GPC5: variants seen among roughly 807,000 people sequenced by gnomAD.
GPC5 encodes glypican 5, also known as glypican-5.
GPC5 carries 47 observed loss-of-function variants against 53.9 expected under a neutral mutation model. The ratio of observed to expected loss-of-function variants is 0.87; its 90% confidence interval spans 0.69 to 1.11. The LOEUF (loss-of-function observed/expected upper bound fraction) is 1.11. Ranked by LOEUF, GPC5 falls within the 50% of genes most tolerant of loss-of-function variation. The pLI is 0.00. For synonymous variants in GPC5, 286 were observed against 263.3 expected (o/e 1.09, Z -0.84); for missense variants, 748 against 713.1 (o/e 1.05, Z -0.56).
At chr13:92,494,472 G>A (rs1879894571) in intron 7 of GPC5, among the ~76,000 whole-genome samples, 1 of 152,108 alleles carries the variant, frequency 6.6e-6, no homozygotes, top group Admixed American at 6.6e-5. Flanking sequence ...CATAAAACGT[G>A]CTTTGCTATT....
At chr13:92,587,765 A>T (rs762270760) in intron 7 of GPC5, among the ~76,000 whole-genome samples, 18 of 152,160 alleles carry the variant, frequency 1.2e-4, no homozygotes, top group Middle Eastern at 3.4e-3. Context: ...CTTCCTGGGC[A>T]TTCACTCCTG....
intron 4 of GPC5, among the ~76,000 whole-genome samples, chr13:91,747,973 T>C (rs528479700): frequency 9.2e-5 from 14 of 152,334 alleles, no homozygotes; most frequent in African/African-American, 3.4e-4. Context: ...GGTTGCACAT[T>C]AGGATCCTTC....
intron 7 of GPC5, among the ~76,000 whole-genome samples, chr13:92,255,708 G>A (rs1400436302): frequency 6.6e-6 from 1 of 152,078 alleles, no homozygotes; most frequent in African/African-American, 2.4e-5. Flanking sequence ...TATTAGCATA[G>A]AGATAAATTT....
chr13:92,111,588 A>G (rs1181802331), intron 6 of GPC5, among the ~76,000 whole-genome samples: 1 of 152,104 alleles, frequency 6.6e-6, no homozygotes, highest in Non-Finnish European at 1.5e-5. Context: ...CCCCACAAAA[A>G]AAAAATGAAA....
chr13:92,000,018 A>T (rs2040540343), intron 6 of GPC5, among the ~76,000 whole-genome samples: 2 of 152,240 alleles, frequency 1.3e-5, no homozygotes, highest in Admixed American at 1.3e-4. Flanking sequence ...AACAAGCTTA[A>T]TTCTCAAGAG....
intron 7 of GPC5, among the ~76,000 whole-genome samples, chr13:92,248,736 C>T (rs2042670827): frequency 1.3e-5 from 2 of 152,042 alleles, no homozygotes; most frequent in Non-Finnish European, 2.9e-5. Context: ...GGCATAAGGC[C>T]GTTGCTGAGT....
chr13:92,518,501 C>T (rs994039587), intron 7 of GPC5, among the ~76,000 whole-genome samples: 59 of 152,098 alleles, frequency 3.9e-4, no homozygotes, highest in African/African-American at 1.4e-3. Flanking sequence ...GAATTTTCAA[C>T]CCAGAATTTC....
intron 7 of GPC5, among the ~76,000 whole-genome samples, chr13:92,544,202 C>G (rs1882024543): frequency 6.6e-6 from 1 of 151,966 alleles, no homozygotes; most frequent in African/African-American, 2.4e-5. Context: ...TTTCCATCAC[C>G]ACCCATCCTG....
At chr13:92,820,617 C>T (rs1164578007) in intron 7 of GPC5, among the ~76,000 whole-genome samples, 2 of 152,134 alleles carry the variant, frequency 1.3e-5, no homozygotes. Flanking sequence ...TTCCCTCTCC[C>T]TTGTCCCACT....
At chr13:92,217,379 T>C (rs2042418149) in intron 7 of GPC5, among the ~76,000 whole-genome samples, 1 of 152,180 alleles carries the variant, frequency 6.6e-6, no homozygotes, top group Non-Finnish European at 1.5e-5. Context: ...TCCTTCATCC[T>C]TCATCTCACC....
chr13:91,726,525 C>G (rs376246972), intron 3 of GPC5, among the ~76,000 whole-genome samples: 1 of 152,170 alleles, frequency 6.6e-6, no homozygotes, highest in African/African-American at 2.4e-5. Flanking sequence ...AATATAATTT[C>G]CTTTTATGCT....
At chr13:92,134,644 T>C (rs2041769528) in intron 6 of GPC5, among the ~76,000 whole-genome samples, 1 of 152,196 alleles carries the variant, frequency 6.6e-6, no homozygotes, top group African/African-American at 2.4e-5. Context: ...ATTTCAGTCA[T>C]AGAAATTCAC....
At chr13:91,878,137 C>G (rs927490882) in intron 5 of GPC5, among the ~76,000 whole-genome samples, 2 of 152,060 alleles carry the variant, frequency 1.3e-5, no homozygotes, top group Non-Finnish European at 1.5e-5. Flanking sequence ...TGTAAACAGA[C>G]TAATACAACT....
intron 7 of GPC5, among the ~76,000 whole-genome samples, chr13:92,506,097 G>A (rs1441447975): frequency 6.6e-6 from 1 of 151,968 alleles, no homozygotes; most frequent in South Asian, 2.1e-4. Flanking sequence ...CCACATTAAA[G>A]GTCAATTTTA....
chr13:91,755,732 C>T (rs1230142259), intron 4 of GPC5, among the ~76,000 whole-genome samples: 2 of 151,972 alleles, frequency 1.3e-5, no homozygotes, highest in East Asian at 3.8e-4. Context: ...TCTTACATGT[C>T]TGGGTTTTGG....
intron 7 of GPC5, among the ~76,000 whole-genome samples, chr13:92,724,875 TACACACACACACAC>T (rs58824655): frequency 4.4e-5 from 6 of 137,746 alleles, no homozygotes; most frequent in South Asian, 2.3e-4. Context: ...GTCCTACACA[TACACACACACACAC>T]ACACACACAC....
chr13:92,456,400 A>C (rs184681638), intron 7 of GPC5, among the ~76,000 whole-genome samples: 8 of 152,272 alleles, frequency 5.3e-5, no homozygotes, highest in Admixed American at 4.6e-4. Flanking sequence ...GTGCTTTCTC[A>C]AGTATCAGTT....
rs1304809061 is a variant in GPC5 at position 92,194,448 on chromosome 13, AAGTCTCCT to A, written c.1561+49460_1561+49467del. Among the ~76,000 whole-genome samples the A allele has an allele frequency of 2.6e-5, 4 of 152,344 alleles. No individual in the cohort carries two copies. In the South Asian group the frequency reaches 8.3e-4, roughly 32 times the overall value. On this transcript the variant is annotated intron_variant, in intron 7 of 7. Coordinates refer to ENST00000377067, the MANE Select transcript of GPC5 (RefSeq NM_004466.6). Reference sequence around the variant, plus strand: ...AGATGAGAAAGAAAACAGTTAAAACAAGTCTCCTGTCTGAGCAATTTTGAAAGGTGCTA... The same window carrying A: ...AGATGAGAAAGAAAACAGTTAAAACAGTCTGAGCAATTTTGAAAGGTGCTA...
chr13:92,429,198 A>T (rs1487943344), intron 7 of GPC5, among the ~76,000 whole-genome samples: 1 of 152,090 alleles, frequency 6.6e-6, no homozygotes, highest in East Asian at 1.9e-4. Context: ...AATAATTCAT[A>T]TGCAAATATC....
Sources: gnomAD v4.1 joint callset for allele counts (sites outside exome capture counted in the v4.1 genomes callset) on GRCh38, gnomAD v4.1.1 for gene constraint, MANE v1.5 for transcripts, NCBI Gene and HGNC (gene_info 2026-07-23, HGNC 2026-07-21) for gene names.